The following ACTR3C variants were observed in gnomAD, a reference collection of about 807,000 sequenced individuals.
ACTR3C encodes actin-related protein 3C.
In ACTR3C, 18 loss-of-function variants were observed where a neutral mutation model predicts 26.3. That is an observed-to-expected ratio of 0.68 (90% CI 0.47 to 1.01). The LOEUF (loss-of-function observed/expected upper bound fraction) is 1.01. ACTR3C is among the 50% of genes least tolerant of loss of function. ACTR3C has a pLI of 0.00. For missense variants in ACTR3C, 184 were observed against 250.7 expected, an observed-to-expected ratio of 0.73 and a Z score of 1.80; for synonymous variants, 55 against 94.5, an observed-to-expected ratio of 0.58 and a Z score of 2.42.
the ACTR3C span, among the ~76,000 whole-genome samples, chr7:149,937,316 G>T: frequency 1.4e-5 from 2 of 146,128 alleles, no homozygotes; most frequent in Middle Eastern, 3.2e-3. Context: ...TAGAGGCGGA[G>T]GCTTTATTTT....
At chr7:150,149,769 T>C in the ACTR3C span, among the ~76,000 whole-genome samples, 5 of 152,262 alleles carry the variant, frequency 3.3e-5, no homozygotes, top group Non-Finnish European at 7.4e-5. Flanking sequence ...CTGTGTGCAG[T>C]TTGTGATGTT....
the ACTR3C span, among the ~76,000 whole-genome samples, chr7:150,227,621 A>G: frequency 3.4e-5 from 5 of 146,058 alleles, no homozygotes; most frequent in Non-Finnish European, 6.0e-5. Context: ...ATCATTTTGT[A>G]TTTTATAATT....
the ACTR3C span, among the ~76,000 whole-genome samples, chr7:149,979,082 T>A: frequency 6.6e-6 from 1 of 152,204 alleles, no homozygotes; most frequent in Admixed American, 6.5e-5. Flanking sequence ...CTACATCCTA[T>A]CCAGCATTCT....
chr7:150,063,488 C>A, the ACTR3C span, among the ~76,000 whole-genome samples: 1 of 151,290 alleles, frequency 6.6e-6, no homozygotes, highest in Non-Finnish European at 1.5e-5. Flanking sequence ...GCTCTCTCCT[C>A]TCTGGTTCCT....
the ACTR3C span, among the ~76,000 whole-genome samples, chr7:149,976,297 G>A: frequency 3.9e-5 from 6 of 152,094 alleles, no homozygotes; most frequent in East Asian, 1.9e-4. Flanking sequence ...ATAGATGGCC[G>A]GGCGCGGTGG....
chr7:149,975,052 T>G, the ACTR3C span, among the ~76,000 whole-genome samples: 2 of 152,156 alleles, frequency 1.3e-5, no homozygotes, highest in African/African-American at 4.8e-5. Flanking sequence ...GCGAGGTATA[T>G]TAGGGATTAT....
the ACTR3C span, among the ~76,000 whole-genome samples, chr7:150,014,325 G>A: frequency 4.6e-5 from 7 of 151,958 alleles, no homozygotes; most frequent in Admixed American, 2.6e-4. Context: ...GCATGGTGGC[G>A]GGCGCCTGCA....
chr7:149,998,440 GAA>G, the ACTR3C span, among the ~76,000 whole-genome samples: 49 of 149,550 alleles, frequency 3.3e-4, 2 homozygotes, highest in Non-Finnish European at 6.1e-4. Flanking sequence ...AATTTATAAA[GAA>G]AAGAGGTTTA....
the ACTR3C span, among the ~76,000 whole-genome samples, chr7:149,886,782 CCT>C: frequency 6.6e-6 from 1 of 151,970 alleles, no homozygotes; most frequent in East Asian, 1.9e-4. Flanking sequence ...ATAGTGAAAC[CCT>C]GTCTCCACTA....
the ACTR3C span, among the ~76,000 whole-genome samples, chr7:150,058,005 C>T: frequency 5.3e-5 from 8 of 152,216 alleles, no homozygotes; most frequent in African/African-American, 1.7e-4. Context: ...GAGAGCTCCA[C>T]AAGTTGACTA....
the ACTR3C span, among the ~76,000 whole-genome samples, chr7:150,128,306 A>C: frequency 6.6e-6 from 1 of 152,208 alleles, no homozygotes; most frequent in African/African-American, 2.4e-5. Context: ...AAATTGCTTC[A>C]GTTTGTAAAT....
At chr7:150,259,729 G>T (rs1833505391) in intron 6 of ACTR3C, among the ~76,000 whole-genome samples, 1 of 152,074 alleles carries the variant, frequency 6.6e-6, no homozygotes, top group African/African-American at 2.4e-5. Flanking sequence ...TAAGCAGCTG[G>T]AATACTCTTG....
the ACTR3C span, among the ~76,000 whole-genome samples, chr7:149,917,790 C>T: frequency 6.6e-6 from 1 of 151,866 alleles, no homozygotes; most frequent in African/African-American, 2.4e-5. Flanking sequence ...TGCACGACAC[C>T]ATGCCTGGCT....
chr7:150,312,854 C>T (rs1254031203), intron 1 of ACTR3C, among the ~76,000 whole-genome samples: 1 of 152,138 alleles, frequency 6.6e-6, no homozygotes, highest in African/African-American at 2.4e-5. Context: ...CATTGTAACC[C>T]CTGTGACCTG....
the ACTR3C span, among the ~76,000 whole-genome samples, chr7:150,223,289 G>A: frequency 6.6e-6 from 1 of 152,104 alleles, no homozygotes; most frequent in South Asian, 2.1e-4. Context: ...TTGTATGGAT[G>A]TACCATTATT....
intron 6 of ACTR3C, among the ~76,000 whole-genome samples, chr7:150,276,388 GT>G (rs898419401): frequency 1.3e-5 from 2 of 152,074 alleles, no homozygotes; most frequent in African/African-American, 4.8e-5. Flanking sequence ...ACCACCACAG[GT>G]TAAGAGGACA....
At chr7:149,957,553 T>C in the ACTR3C span, among the ~76,000 whole-genome samples, 1 of 152,204 alleles carries the variant, frequency 6.6e-6, no homozygotes, top group African/African-American at 2.4e-5. Context: ...TCTCTGGCTT[T>C]TGGACTCTGA....
the ACTR3C span, among the ~76,000 whole-genome samples, chr7:150,024,086 C>G: frequency 6.6e-6 from 1 of 150,942 alleles, no homozygotes; most frequent in Non-Finnish European, 1.5e-5. Context: ...CATGACGGTG[C>G]CTGAAAGCAG....
the ACTR3C span, among the ~76,000 whole-genome samples, chr7:150,049,419 G>T: frequency 2.0e-3 from 301 of 152,302 alleles, no homozygotes; most frequent in African/African-American, 6.9e-3. Context: ...TGTGAGACCC[G>T]CCCCTGCCCA....
Sources: gnomAD v4.1 joint callset for allele counts (sites outside exome capture counted in the v4.1 genomes callset) on GRCh38, gnomAD v4.1.1 for gene constraint, MANE v1.5 for transcripts, NCBI Gene and HGNC (gene_info 2026-07-23, HGNC 2026-07-21) for gene names.